OCRL: variants seen among roughly 807,000 people sequenced by gnomAD.
OCRL encodes the protein OCRL inositol polyphosphate-5-phosphatase.
In OCRL, 8 loss-of-function variants were observed where a neutral mutation model predicts 78.9. The ratio of observed to expected loss-of-function variants is 0.10; its 90% confidence interval spans 0.06 to 0.18. The LOEUF (loss-of-function observed/expected upper bound fraction) is 0.18. OCRL is among the 10% of genes least tolerant of loss of function. The pLI is 1.00. For synonymous variants in OCRL, 240 were observed against 235.4 expected, an observed-to-expected ratio of 1.02 and a Z score of -0.18; for missense variants, 454 against 696.7, an observed-to-expected ratio of 0.65 and a Z score of 3.92.
rs147784668 is a variant in OCRL at position 129,551,575 on chromosome X, C to T, written c.238+2974C>T. The stretch of plus-strand genomic sequence containing the variant: ...TCAGCCTCCCGAGTAGCTGGGACTA[C>T]AGGCACCTGCCACCATGCCTGGCTA... On this transcript the variant is annotated intron_variant, in intron 4 of 23. Coordinates refer to ENST00000371113, the MANE Select transcript of OCRL (RefSeq NM_000276.4). Among the ~76,000 whole-genome samples the T allele has an allele frequency of 2.8e-3, 315 of 111,652 alleles. 4 individuals are homozygous for T. Among genetic ancestry groups the T allele is most frequent in the Admixed American group, 0.021 (218 of 10,564 alleles).
At chrX:129,580,527 T>A (rs1172634837) in intron 18 of OCRL, among the ~76,000 whole-genome samples, 1 of 112,192 alleles carries the variant, frequency 8.9e-6, no homozygotes, top group Non-Finnish European at 1.9e-5. Context: ...TGGAAGAACA[T>A]TCTGGTGTTA....
chrX:129,558,549 G>A, intron 6 of OCRL, 84 bp from the exon 7 acceptor site: 1 of 1,073,204 alleles, frequency 9.3e-7, no homozygotes, highest in African/African-American at 1.8e-5. Flanking sequence ...TGATCAAATT[G>A]TGATCAAATC....
intron 18 of OCRL, among the ~76,000 whole-genome samples, chrX:129,583,934 G>A (rs1313054450): frequency 9.1e-6 from 1 of 110,129 alleles, no homozygotes; most frequent in Non-Finnish European, 1.9e-5. Flanking sequence ...GGAAAGTAGA[G>A]TGGTTTACCA....
intron 22 of OCRL, chrX:129,589,431 G>A (rs1936559182): frequency 3.6e-6 from 1 of 277,477 alleles, no homozygotes; most frequent in Non-Finnish European, 6.6e-6. Context: ...AATTGGACTA[G>A]TGAGTATTGA....
chrX:129,587,855 T>C (rs896612258), intron 20 of OCRL, among the ~76,000 whole-genome samples: 2 of 109,290 alleles, frequency 1.8e-5, no homozygotes, highest in Non-Finnish European at 3.8e-5. Context: ...GGCAACACGG[T>C]GAAACCCCAT....
At chrX:129,575,292 G>T (rs764853683) in intron 16 of OCRL, 42 bp downstream of exon 16, 95 of 886,577 alleles carry the variant, frequency 1.1e-4, no homozygotes, top group Non-Finnish European at 1.5e-4. Flanking sequence ...TGCTCACTGT[G>T]GTTAGCACAG....
At chrX:129,568,712 G>A (rs946835026) in intron 14 of OCRL, among the ~76,000 whole-genome samples, 1 of 112,065 alleles carries the variant, frequency 8.9e-6, no homozygotes. Context: ...ATTTTATTTC[G>A]TCTCTATTAG....
chrX:129,546,440 G>C (rs971361028), intron 3 of OCRL, among the ~76,000 whole-genome samples: 3 of 112,399 alleles, frequency 2.7e-5, no homozygotes, highest in African/African-American at 9.7e-5. Flanking sequence ...TATTTCCTCA[G>C]GATGTATTCC....
intron 2 of OCRL, among the ~76,000 whole-genome samples, chrX:129,542,777 A>G (rs1206975573): frequency 9.0e-6 from 1 of 111,661 alleles, no homozygotes; most frequent in Non-Finnish European, 1.9e-5. Context: ...ACCTAATACC[A>G]TAATACCATC....
chrX:129,569,437 A>G (rs758129830), intron 15 of OCRL, 38 bp downstream of exon 15: 9 of 1,159,554 alleles, frequency 7.8e-6, no homozygotes, highest in Non-Finnish European at 9.4e-6. Context: ...TTTGTGTGTT[A>G]AGTATCAATT....
At chrX:129,568,304 C>T (rs900315279) in intron 14 of OCRL, among the ~76,000 whole-genome samples, 2 of 112,026 alleles carry the variant, frequency 1.8e-5, no homozygotes, top group Non-Finnish European at 3.8e-5. Flanking sequence ...CTATCTCTTT[C>T]TTTTCTTTTC....
In OCRL at chrX:129,571,977, A is replaced by G. The variant is rs182406944; in HGVS notation, c.1602+2578A>G. ...AATAGAGCTTTCTGTGATGATGGAA[A>G]TGTCCTGTATCTGTGCTGTCCAGTC... On this transcript the variant is annotated intron_variant, in intron 15 of 23. Coordinates refer to ENST00000371113, the MANE Select transcript of OCRL (RefSeq NM_000276.4). Among the ~76,000 whole-genome samples the G allele has an allele frequency of 3.3e-3, 366 of 111,646 alleles. 3 individuals carry two copies. Among genetic ancestry groups the G allele is most frequent in the African/African-American group, 0.011 (337 of 30,722 alleles).
chrX:129,580,208 T>C (rs1024874157), intron 18 of OCRL, among the ~76,000 whole-genome samples: 1 of 112,589 alleles, frequency 8.9e-6, no homozygotes, highest in African/African-American at 3.2e-5. Context: ...GTTATAGAAG[T>C]ATTTTCAGTC....
intron 4 of OCRL, among the ~76,000 whole-genome samples, chrX:129,556,378 AC>A (rs1678510719): frequency 9.0e-6 from 1 of 111,455 alleles, no homozygotes; most frequent in Admixed American, 9.5e-5. Context: ...TGAGTACCAT[AC>A]AGTGCTGGGA....
intron 4 of OCRL, among the ~76,000 whole-genome samples, chrX:129,552,513 C>G (rs1462219067): frequency 8.9e-6 from 1 of 111,929 alleles, no homozygotes; most frequent in African/African-American, 3.3e-5. Context: ...CAACCTCTGC[C>G]TCCCGGGTTG....
chrX:129,549,851 C>T (rs1225325998), intron 4 of OCRL: 1 of 112,058 alleles, frequency 8.9e-6, no homozygotes, highest in Non-Finnish European at 1.9e-5. Context: ...TTGTTGTGGC[C>T]GCTTCTACAT....
At chrX:129,563,240 A>T (rs1936169035) in intron 12 of OCRL, among the ~76,000 whole-genome samples, 1 of 111,712 alleles carries the variant, frequency 9.0e-6, no homozygotes, top group South Asian at 3.8e-4. Flanking sequence ...TATGGCTGTT[A>T]GGTACCTGAA....
chrX:129,560,833 T>G (rs1178438709), intron 9 of OCRL, among the ~76,000 whole-genome samples, 182 bp downstream of exon 9: 3 of 112,670 alleles, frequency 2.7e-5, no homozygotes, highest in Non-Finnish European at 5.6e-5. Context: ...TAAGGAAGCA[T>G]CTAATTTTCT....
chrX:129,557,985 G>A, intron 6 of OCRL, 35 bp downstream of exon 6: 3 of 895,998 alleles, frequency 3.3e-6, no homozygotes, highest in South Asian at 2.0e-5. Context: ...TGTTGCTATG[G>A]TCATTGCAGA....
Sources: gnomAD v4.1 joint callset for allele counts (sites outside exome capture counted in the v4.1 genomes callset) on GRCh38, gnomAD v4.1.1 for gene constraint, MANE v1.5 for transcripts, NCBI Gene and HGNC (gene_info 2026-07-23, HGNC 2026-07-21) for gene names.